Variants in CA10 observed in about 807,000 individuals in gnomAD.
CA10 encodes carbonic anhydrase-related protein 10.
A neutral mutation model predicts 44.2 loss-of-function variants in CA10; 14 were observed. The observed-to-expected ratio is 0.32, with a 90% CI of 0.21 to 0.50. CA10 has a LOEUF of 0.50. CA10 is among the 20% of genes least tolerant of loss of function. CA10 has a pLI of 0.99. For missense variants in CA10, 350 were observed against 409.7 expected, an observed-to-expected ratio of 0.85 and a Z score of 1.26; for synonymous variants, 159 against 141.6, an observed-to-expected ratio of 1.12 and a Z score of -0.87.
chr17:51,910,522 C>T (rs73348460), intron 3 of CA10, among the ~76,000 whole-genome samples: 3,100 of 152,094 alleles, frequency 0.02, 92 homozygotes, highest in African/African-American at 0.07. Flanking sequence ...CAACAAAAAT[C>T]GAAGCAGATT....
At chr17:51,895,785 C>G (rs1468197119) in intron 3 of CA10, among the ~76,000 whole-genome samples, 3 of 152,052 alleles carry the variant, frequency 2.0e-5, no homozygotes, top group Admixed American at 1.3e-4. Flanking sequence ...GTTGTAGACA[C>G]TGCTTTATTT....
chr17:52,087,426 G>A (rs2143197032), intron 1 of CA10, among the ~76,000 whole-genome samples: 1 of 152,328 alleles, frequency 6.6e-6, no homozygotes, highest in South Asian at 2.1e-4. Flanking sequence ...ACAGATGTGA[G>A]CCACCGCACC....
chr17:52,148,905 C>T (rs910481137), intron 1 of CA10, among the ~76,000 whole-genome samples: 1 of 152,136 alleles, frequency 6.6e-6, no homozygotes, highest in Admixed American at 6.5e-5. Context: ...AATAAATTAA[C>T]AAATACATTT....
At chr17:51,836,359 G>T (rs1233177607) in intron 3 of CA10, among the ~76,000 whole-genome samples, 1 of 152,200 alleles carries the variant, frequency 6.6e-6, no homozygotes, top group Non-Finnish European at 1.5e-5. Flanking sequence ...TGTAAATTTG[G>T]TGAGGTGCTC....
intron 4 of CA10, among the ~76,000 whole-genome samples, chr17:51,736,280 G>A (rs1916907906): frequency 1.3e-5 from 2 of 152,188 alleles, no homozygotes; most frequent in Admixed American, 6.5e-5. Context: ...AGTAGGTCAT[G>A]GCCCTTAACC....
At chr17:51,897,860 T>C (rs576046009) in intron 3 of CA10, among the ~76,000 whole-genome samples, 2 of 152,284 alleles carry the variant, frequency 1.3e-5, no homozygotes, top group African/African-American at 4.8e-5. Context: ...GATTTGACTG[T>C]CAGCTTGGAT....
At chr17:51,985,834 C>T (rs1312702696) in intron 2 of CA10, among the ~76,000 whole-genome samples, 2 of 151,942 alleles carry the variant, frequency 1.3e-5, no homozygotes, top group Non-Finnish European at 2.9e-5. Flanking sequence ...AACTACAAAA[C>T]ACTGCTGAAA....
intron 2 of CA10, among the ~76,000 whole-genome samples, chr17:52,070,188 C>T (rs989071720): frequency 2.0e-5 from 3 of 152,140 alleles, no homozygotes; most frequent in Non-Finnish European, 4.4e-5. Context: ...GGCTTTAGAC[C>T]TGTTAAATTC....
intron 4 of CA10, among the ~76,000 whole-genome samples, chr17:51,701,173 T>C (rs1323825252): frequency 6.6e-6 from 1 of 152,112 alleles, no homozygotes; most frequent in Non-Finnish European, 1.5e-5. Flanking sequence ...ATCTGTGCTA[T>C]GCTCTCTCCC....
intron 3 of CA10, among the ~76,000 whole-genome samples, chr17:51,870,198 T>C (rs1175006291): frequency 6.6e-6 from 1 of 152,250 alleles, no homozygotes; most frequent in Non-Finnish European, 1.5e-5. Flanking sequence ...TGTCAATGAC[T>C]GATTATACTT....
At chr17:52,085,481 C>A (rs1213359468) in intron 1 of CA10, among the ~76,000 whole-genome samples, 1 of 152,158 alleles carries the variant, frequency 6.6e-6, no homozygotes. Flanking sequence ...AACTCATTGA[C>A]CATCTTTCAA....
chr17:51,886,211 G>A (rs549231000), intron 3 of CA10, among the ~76,000 whole-genome samples: 1 of 152,328 alleles, frequency 6.6e-6, no homozygotes, highest in South Asian at 2.1e-4. Flanking sequence ...TTTGAGCATT[G>A]TGGGTGAATG....
Position 52,072,304 on chromosome 17 carries a change from T to C in CA10, c.136+15A>G, listed in dbSNP as rs373787815. On this transcript the variant is annotated intron_variant, in intron 2 of 8. Coordinates refer to ENST00000451037, the MANE Select transcript of CA10 (RefSeq NM_020178.5). ...TGTTTTTAATAAATAAATTAAAGAA[T>C]TAATGTGTACTTACCTGGAACAAAG... The C allele has an allele frequency of 1.3e-6, 2 of 1,537,360 alleles. No homozygotes were observed. Among genetic ancestry groups the C allele is most frequent in the Non-Finnish European group, 1.8e-6 (2 of 1,115,366 alleles).
At chr17:51,838,797 C>A (rs1978296743) in intron 3 of CA10, among the ~76,000 whole-genome samples, 1 of 152,206 alleles carries the variant, frequency 6.6e-6, no homozygotes, top group African/African-American at 2.4e-5. Context: ...CAGATTAGTT[C>A]TCCAGCACCT....
rs533205074 is a variant in CA10, at chr17:51,855,349, T to C, written c.279+75641A>G. On this transcript the variant is annotated intron_variant, in intron 3 of 8. Transcript: ENST00000451037. ...TATAATAGACCTTTAAAACTCACAA[T>C]AGCAAGATTGTAATATGCACCATCC... Among the ~76,000 whole-genome samples the C allele has an allele frequency of 8.5e-5, 13 of 152,270 alleles. No homozygotes were observed. The South Asian group carries it at 1.2e-3, about 15-fold the overall frequency.
intron 3 of CA10, among the ~76,000 whole-genome samples, chr17:51,829,225 C>T (rs1463466123): frequency 6.6e-6 from 1 of 152,226 alleles, no homozygotes; most frequent in African/African-American, 2.4e-5. Context: ...AGACTGCCCC[C>T]ATGGATGTGT....
intron 2 of CA10, among the ~76,000 whole-genome samples, chr17:52,067,045 C>A (rs555314677): frequency 6.6e-6 from 1 of 152,218 alleles, no homozygotes; most frequent in Admixed American, 6.5e-5. Flanking sequence ...AACCCATTTT[C>A]TGAGGAGAAA....
intron 3 of CA10, among the ~76,000 whole-genome samples, chr17:51,854,282 G>A (rs1266152532): frequency 6.6e-6 from 1 of 152,166 alleles, no homozygotes; most frequent in African/African-American, 2.4e-5. Flanking sequence ...CACCCCTGCT[G>A]GACATTGTTA....
rs534911460 is a variant in CA10 at position 51,658,597 on chromosome 17, G to A, written c.466-4861C>T. Among the ~76,000 whole-genome samples, 26 of 152,256 alleles carry A rather than the reference G, an allele frequency of 1.7e-4. No homozygotes were observed. The South Asian group carries it at 2.1e-3, about 12-fold the overall frequency. On this transcript the variant is annotated intron_variant, in intron 4 of 8. Coordinates refer to ENST00000451037, the MANE Select transcript of CA10 (RefSeq NM_020178.5). The stretch of plus-strand genomic sequence containing the variant: ...CAAAGAGCCTGAGATAGGGACAAGC[G>A]GCTAGGAATGGCTGGGAAAGGATGA...
Sources: gnomAD v4.1 joint callset for allele counts (sites outside exome capture counted in the v4.1 genomes callset) on GRCh38, gnomAD v4.1.1 for gene constraint, MANE v1.5 for transcripts, NCBI Gene and HGNC (gene_info 2026-07-23, HGNC 2026-07-21) for gene names.